The following PHLPP2 variants were observed in gnomAD, a reference collection of about 807,000 sequenced individuals.
The protein encoded by PHLPP2 is PH domain leucine-rich repeat-containing protein phosphatase 2.
A neutral mutation model predicts 124.9 loss-of-function variants in PHLPP2; 66 were observed. The ratio of observed to expected loss-of-function variants is 0.53; its 90% confidence interval spans 0.43 to 0.65. The LOEUF is 0.65. Ranked by LOEUF, PHLPP2 falls within the 30% of genes least tolerant of loss-of-function variation. The pLI, the probability that PHLPP2 is intolerant of heterozygous loss-of-function variation, is 0.00. For missense variants in PHLPP2, 1,685 were observed against 1,600.4 expected (o/e 1.05, Z -0.90); for synonymous variants, 681 against 624.7 (o/e 1.09, Z -1.34).
intron 12 of PHLPP2, among the ~76,000 whole-genome samples, chr16:71,664,732 C>A (rs572309088): frequency 6.6e-6 from 1 of 152,010 alleles, no homozygotes; most frequent in Non-Finnish European, 1.5e-5. Context: ...AGCCTGGCAA[C>A]AGAGTGAGAC....
At chr16:71,688,168 C>T (rs1433141534) in intron 4 of PHLPP2, among the ~76,000 whole-genome samples, 2 of 152,194 alleles carry the variant, frequency 1.3e-5, no homozygotes, top group East Asian at 3.8e-4. Flanking sequence ...AAAAGTCTAT[C>T]CCATTTTAAA....
chr16:71,664,584 T>TA (rs556791060), intron 12 of PHLPP2, among the ~76,000 whole-genome samples: 17 of 148,300 alleles, frequency 1.1e-4, no homozygotes, highest in Non-Finnish European at 1.5e-4. Flanking sequence ...CCGTCTCTAC[T>TA]AAAAAAAAAA....
intron 1 of PHLPP2, chr16:71,723,644 C>G (rs2045412620): frequency 5.0e-6 from 2 of 398,416 alleles, no homozygotes; most frequent in Non-Finnish European, 4.1e-6. Context: ...CGGGCGGGGG[C>G]CGCCGACTGC....
At chr16:71,691,773 A>G (rs1362643803) in intron 3 of PHLPP2, among the ~76,000 whole-genome samples, 2 of 152,078 alleles carry the variant, frequency 1.3e-5, no homozygotes, top group Admixed American at 1.3e-4. Flanking sequence ...TGAACAAAAC[A>G]GCACATAATA....
chr16:71,669,422 C>T, intron 10 of PHLPP2, 52 bp from the exon 11 acceptor site: 1 of 1,290,076 alleles, frequency 7.8e-7, no homozygotes, highest in Non-Finnish European at 1.1e-6. Flanking sequence ...AAGTGGAACT[C>T]ATTTCAGTAG....
intron 1 of PHLPP2, among the ~76,000 whole-genome samples, chr16:71,722,598 G>GA (rs1389849712): frequency 6.6e-6 from 1 of 152,048 alleles, no homozygotes; most frequent in African/African-American, 2.4e-5. Flanking sequence ...AAATACTGCT[G>GA]AACCTCAATC....
intron 17 of PHLPP2, among the ~76,000 whole-genome samples, chr16:71,653,840 G>C (rs960488229): frequency 6.6e-6 from 1 of 152,192 alleles, no homozygotes; most frequent in South Asian, 2.1e-4. Flanking sequence ...TTTGTGTTAT[G>C]ACAGATAAAA....
intron 15 of PHLPP2, 119 bp from the exon 16 acceptor site, chr16:71,656,800 G>A (rs978690462): frequency 2.2e-5 from 13 of 598,454 alleles, no homozygotes; most frequent in Non-Finnish European, 3.6e-5. Flanking sequence ...ACCCAGGCTG[G>A]AGTGCAGTGG....
intron 3 of PHLPP2, among the ~76,000 whole-genome samples, chr16:71,700,353 C>A (rs2045218482): frequency 1.3e-5 from 2 of 151,532 alleles, no homozygotes; most frequent in African/African-American, 4.9e-5. Flanking sequence ...TGCAGTGAGC[C>A]ATGATGGCAG....
chr16:71,698,629 A>G, intron 3 of PHLPP2: 1 of 598,618 alleles, frequency 1.7e-6, no homozygotes, highest in Non-Finnish European at 3.2e-6. Flanking sequence ...GCTACCAAGG[A>G]AGCTGCTGTG....
intron 4 of PHLPP2, among the ~76,000 whole-genome samples, chr16:71,687,539 T>G (rs1402055279): frequency 6.6e-6 from 1 of 152,210 alleles, no homozygotes; most frequent in Non-Finnish European, 1.5e-5. Context: ...TTTATTACTA[T>G]CACTATAATT....
intron 2 of PHLPP2, among the ~76,000 whole-genome samples, chr16:71,704,135 T>G (rs984081722): frequency 7.3e-5 from 11 of 151,538 alleles, no homozygotes; most frequent in African/African-American, 2.7e-4. Context: ...ATGGTGAAAC[T>G]CCATCTCTGC....
intron 13 of PHLPP2, among the ~76,000 whole-genome samples, chr16:71,662,667 A>G (rs1197146334): frequency 6.6e-6 from 1 of 152,150 alleles, no homozygotes; most frequent in Non-Finnish European, 1.5e-5. Context: ...TCACATTCTT[A>G]GTTTTTGAAA....
At chr16:71,653,561 T>C (rs990171228) in intron 17 of PHLPP2, among the ~76,000 whole-genome samples, 5 of 152,182 alleles carry the variant, frequency 3.3e-5, no homozygotes, top group African/African-American at 1.2e-4. Flanking sequence ...TCCACGCGTC[T>C]GTACTTGGAA....
intron 18 of PHLPP2, among the ~76,000 whole-genome samples, chr16:71,651,467 A>G (rs2044696007): frequency 6.6e-6 from 1 of 152,204 alleles, no homozygotes; most frequent in South Asian, 2.1e-4. Context: ...AGGAGGCTAA[A>G]GCAGGAGGAT....
At position 71,678,979 on chromosome 16, in the gene PHLPP2, T is replaced by C. The variant is rs1430255442; in HGVS notation, c.1044A>G (p.Gln348=). The C allele has an allele frequency of 6.4e-7, 1 of 1,573,662 alleles. No individual in the cohort carries two copies. Among genetic ancestry groups the C allele is most frequent in the East Asian group, 2.2e-5 (1 of 44,694 alleles). Residue 348 remains glutamine, a synonymous_variant, in exon 8 of 19, where the codon CAA becomes CAG. Coordinates refer to ENST00000568954, the MANE Select transcript of PHLPP2 (RefSeq NM_015020.3). ...PSQIGNLLNL[Q]TLCLDGNFLT... is the part of the protein sequence containing the mutation. Reference sequence around the variant, plus strand: ...GAAAGTTGCCATCAAGACAGAGGGTTTGAAGACTATAGGAAGAAAACAAAA... The same window carrying C: ...GAAAGTTGCCATCAAGACAGAGGGTCTGAAGACTATAGGAAGAAAACAAAA...
intron 5 of PHLPP2, among the ~76,000 whole-genome samples, 198 bp from the exon 6 acceptor site, chr16:71,682,103 G>A (rs1312905352): frequency 6.6e-6 from 1 of 151,322 alleles, no homozygotes; most frequent in African/African-American, 2.4e-5. Flanking sequence ...GAAAAACAAG[G>A]GTATAAATTA....
At position 71,645,855 on chromosome 16, in the gene PHLPP2, A is replaced by G. The variant is rs1220204443; in HGVS notation, c.*3035T>C. On this transcript the variant is annotated 3_prime_UTR_variant, in exon 19 of 19. Transcript: ENST00000568954. Reference sequence around the variant, plus strand: ...CACTGCAGCTTTATGTCATACCAACATTCAAATATTCAAATATCCTTCCAA... The same window carrying G: ...CACTGCAGCTTTATGTCATACCAACGTTCAAATATTCAAATATCCTTCCAA... 6.6e-6 allele frequency: 1 copy of G among 152,556 alleles called. No individual in the cohort carries two copies. Among genetic ancestry groups the G allele is most frequent in the African/African-American group, 2.4e-5 (1 of 41,460 alleles). 9.5% of individuals were successfully genotyped at this position (152,556 alleles called of 1,614,324 possible).
intron 17 of PHLPP2, among the ~76,000 whole-genome samples, chr16:71,653,671 G>A (rs1437192951): frequency 1.3e-5 from 2 of 152,140 alleles, no homozygotes; most frequent in Non-Finnish European, 2.9e-5. Flanking sequence ...ATTTCTCCAG[G>A]AAATTTCTCT....
Sources: allele counts gnomAD v4.1 joint callset (sites outside exome capture counted in the v4.1 genomes callset), GRCh38; gene constraint gnomAD v4.1.1; transcripts MANE v1.5; gene names NCBI Gene and HGNC (gene_info 2026-07-23, HGNC 2026-07-21).